Variants in GATAD2B observed in about 807,000 individuals in gnomAD.
The protein encoded by GATAD2B is GATA zinc finger domain containing 2B.
A neutral mutation model predicts 64.3 loss-of-function variants in GATAD2B; 8 were observed. That is an observed-to-expected ratio of 0.12 (90% CI 0.07 to 0.22). The LOEUF is 0.22. GATAD2B is among the 10% of genes least tolerant of loss of function. The pLI is 1.00. For synonymous variants in GATAD2B, 281 were observed against 271.3 expected (o/e 1.04, Z -0.35); for missense variants, 453 against 752.0 (o/e 0.60, Z 4.65).
At chr1:153,922,490 A>AG (rs1678483343) in intron 1 of GATAD2B, among the ~76,000 whole-genome samples, 2 of 115,616 alleles carry the variant, frequency 1.7e-5, no homozygotes, top group African/African-American at 6.7e-5. Flanking sequence ...AAGGGGGGAG[A>AG]GGATGAGGTG....
intron 1 of GATAD2B, among the ~76,000 whole-genome samples, chr1:153,897,777 T>TA (rs1677641039): frequency 1.3e-5 from 2 of 152,096 alleles, no homozygotes; most frequent in Non-Finnish European, 2.9e-5. Context: ...CCAATATATT[T>TA]AAAAAAATTT....
chr1:153,826,873 G>A (rs1674895964), intron 2 of GATAD2B, among the ~76,000 whole-genome samples: 1 of 151,444 alleles, frequency 6.6e-6, no homozygotes. Context: ...CCCAGGAGTT[G>A]GTGGTTACAA....
intron 1 of GATAD2B, among the ~76,000 whole-genome samples, chr1:153,877,773 G>A (rs1197793978): frequency 2.6e-5 from 4 of 151,848 alleles, no homozygotes; most frequent in Non-Finnish European, 5.9e-5. Flanking sequence ...AGCTACCTGG[G>A]AGGCTGAGGT....
At chr1:153,890,293 C>T (rs145399481) in intron 1 of GATAD2B, among the ~76,000 whole-genome samples, 1 of 151,686 alleles carries the variant, frequency 6.6e-6, no homozygotes, top group African/African-American at 2.4e-5. Flanking sequence ...TCAAGACCAT[C>T]CTGGCTAACA....
At chr1:153,826,489 G>T (rs926945976) in intron 2 of GATAD2B, among the ~76,000 whole-genome samples, 2 of 152,258 alleles carry the variant, frequency 1.3e-5, no homozygotes, top group East Asian at 2.0e-4. Context: ...CTAGCTGGGT[G>T]TGCAGGCACG....
intron 1 of GATAD2B, among the ~76,000 whole-genome samples, chr1:153,867,370 C>T (rs967157148): frequency 2.0e-5 from 3 of 152,078 alleles, no homozygotes; most frequent in African/African-American, 7.2e-5. Flanking sequence ...AGAAAATAAT[C>T]TGACATGAAT....
chr1:153,905,105 C>T (rs1677886652), intron 1 of GATAD2B, among the ~76,000 whole-genome samples: 1 of 152,138 alleles, frequency 6.6e-6, no homozygotes, highest in Non-Finnish European at 1.5e-5. Flanking sequence ...CACAGCTTCC[C>T]AAAGTGCTGG....
intron 1 of GATAD2B, among the ~76,000 whole-genome samples, chr1:153,896,474 T>C (rs1215199815): frequency 1.3e-5 from 2 of 150,310 alleles, no homozygotes; most frequent in Admixed American, 6.7e-5. Context: ...TTCGCTCTTG[T>C]TGCCCAGGCT....
chr1:153,901,286 G>A (rs1377857427), intron 1 of GATAD2B, among the ~76,000 whole-genome samples: 1 of 152,040 alleles, frequency 6.6e-6, no homozygotes, highest in East Asian at 1.9e-4. Context: ...CAGGTGGAGA[G>A]GTTGCAGTGA....
intron 1 of GATAD2B, among the ~76,000 whole-genome samples, chr1:153,866,706 A>G (rs775364419): frequency 6.6e-5 from 10 of 152,246 alleles, no homozygotes; most frequent in Admixed American, 1.3e-4. Flanking sequence ...AAGGCCCTAA[A>G]GAAAAGCAGA....
chr1:153,861,827 T>C (rs1410648250), intron 1 of GATAD2B, among the ~76,000 whole-genome samples: 2 of 139,592 alleles, frequency 1.4e-5, no homozygotes, highest in African/African-American at 5.2e-5. Flanking sequence ...TGTATATATA[T>C]GTATATGTAT....
At chr1:153,846,557 CTTTTTTTTTTT>C (rs887230575) in intron 1 of GATAD2B, among the ~76,000 whole-genome samples, 2 of 113,860 alleles carry the variant, frequency 1.8e-5, no homozygotes, top group African/African-American at 3.6e-5. Flanking sequence ...TCTTTGCGTT[CTTTTTTTTTTT>C]TTTTTTTTTT....
At chr1:153,921,566 A>C (rs1210507655) in intron 1 of GATAD2B, among the ~76,000 whole-genome samples, 1 of 152,004 alleles carries the variant, frequency 6.6e-6, no homozygotes, top group African/African-American at 2.4e-5. Context: ...AAATGTATTA[A>C]GTATCCCCCC....
intron 1 of GATAD2B, among the ~76,000 whole-genome samples, chr1:153,908,633 T>C (rs555526496): frequency 6.6e-6 from 1 of 151,700 alleles, no homozygotes; most frequent in South Asian, 2.1e-4. Context: ...CACGCCCAGC[T>C]AATTTTATGC....
intron 1 of GATAD2B, among the ~76,000 whole-genome samples, chr1:153,841,124 C>CAAAAAAAAAAAAAAAAAAAAA (rs941317761): frequency 6.5e-5 from 5 of 77,428 alleles, no homozygotes; most frequent in Non-Finnish European, 1.0e-4. Flanking sequence ...GACTCCGTCT[C>CAAAAAAAAAAAAAAAAAAAAA]AAAAAAAAAA....
At chr1:153,878,444 G>C (rs1338811961) in intron 1 of GATAD2B, among the ~76,000 whole-genome samples, 4 of 152,000 alleles carry the variant, frequency 2.6e-5, no homozygotes, top group African/African-American at 7.2e-5. Flanking sequence ...AATCCTTAAA[G>C]AAAGTAATAA....
chr1:153,918,629 AG>A (rs1403082994), intron 1 of GATAD2B, among the ~76,000 whole-genome samples: 8 of 152,214 alleles, frequency 5.3e-5, no homozygotes, highest in African/African-American at 1.7e-4. Flanking sequence ...TCTCAGCTTT[AG>A]GTAACAGTAA....
At chr1:153,917,923 A>G (rs1316476202) in intron 1 of GATAD2B, among the ~76,000 whole-genome samples, 1 of 152,252 alleles carries the variant, frequency 6.6e-6, no homozygotes, top group Non-Finnish European at 1.5e-5. Flanking sequence ...AAAGAAAGGA[A>G]GGATAAGACT....
chr1:153,847,099 T>C (rs768511356), intron 1 of GATAD2B, among the ~76,000 whole-genome samples: 6 of 152,112 alleles, frequency 3.9e-5, no homozygotes, highest in Non-Finnish European at 8.8e-5. Context: ...CCCAAGTAAC[T>C]GAGCCTACAG....
Sources: allele counts gnomAD v4.1 joint callset (sites outside exome capture counted in the v4.1 genomes callset), GRCh38; gene constraint gnomAD v4.1.1; transcripts MANE v1.5; gene names NCBI Gene and HGNC (gene_info 2026-07-23, HGNC 2026-07-21).